The following MB21D2 variants were observed in gnomAD, a reference collection of about 807,000 sequenced individuals.
MB21D2 encodes nucleotidyltransferase MB21D2.
In MB21D2, 9 loss-of-function variants were observed where a neutral mutation model predicts 33.3. The observed-to-expected ratio is 0.27, with a 90% confidence interval of 0.16 to 0.47. The LOEUF is 0.47. Ranked by LOEUF, MB21D2 falls within the 20% of genes least tolerant of loss-of-function variation. MB21D2 has a pLI of 0.99. For synonymous variants in MB21D2, 241 were observed against 236.3 expected (o/e 1.02, Z -0.18); for missense variants, 540 against 624.6 (o/e 0.86, Z 1.44).
chr3:192,900,592 A>T (rs980622232), intron 1 of MB21D2, among the ~76,000 whole-genome samples: 5 of 151,938 alleles, frequency 3.3e-5, no homozygotes, highest in African/African-American at 9.7e-5. Context: ...ATCTCCTAAG[A>T]CTGTATAAGT....
At chr3:192,834,788 C>A (rs1455619845) in intron 1 of MB21D2, among the ~76,000 whole-genome samples, 1 of 149,340 alleles carries the variant, frequency 6.7e-6, no homozygotes, top group East Asian at 2.0e-4. Context: ...ACCACAGGTA[C>A]AGATGTTTGA....
At chr3:192,802,289 C>T (rs751020012) in intron 1 of MB21D2, among the ~76,000 whole-genome samples, 19 of 152,168 alleles carry the variant, frequency 1.2e-4, no homozygotes, top group Non-Finnish European at 2.5e-4. Flanking sequence ...TGCAGGGAAG[C>T]TCAGCTTCTC....
At chr3:192,906,261 C>T (rs1169339634) in intron 1 of MB21D2, among the ~76,000 whole-genome samples, 1 of 152,164 alleles carries the variant, frequency 6.6e-6, no homozygotes, top group East Asian at 1.9e-4. Flanking sequence ...ATTCCTCCTA[C>T]TCCACCCCCG....
intron 1 of MB21D2, among the ~76,000 whole-genome samples, chr3:192,886,439 C>T (rs1244958420): frequency 2.0e-5 from 3 of 152,078 alleles, no homozygotes; most frequent in Non-Finnish European, 2.9e-5. Flanking sequence ...ATTAATACCA[C>T]GAGTACTCAT....
chr3:192,858,981 G>C (rs927090695), intron 1 of MB21D2, among the ~76,000 whole-genome samples: 1 of 152,144 alleles, frequency 6.6e-6, no homozygotes, highest in Non-Finnish European at 1.5e-5. Context: ...AAGCTCTTAG[G>C]AATCAGTTAG....
chr3:192,858,497 T>C (rs984262581), intron 1 of MB21D2, among the ~76,000 whole-genome samples: 3 of 152,250 alleles, frequency 2.0e-5, no homozygotes, highest in Non-Finnish European at 4.4e-5. Flanking sequence ...GAACGGACCA[T>C]GCAAACGACA....
chr3:192,808,633 T>C (rs540661995), intron 1 of MB21D2, among the ~76,000 whole-genome samples: 4 of 152,338 alleles, frequency 2.6e-5, no homozygotes, highest in South Asian at 4.1e-4. Flanking sequence ...AGTCTCAGTA[T>C]AGATGTCTTC....
In MB21D2 at chr3:192,895,085, G is replaced by C. The variant is rs369658516; in HGVS notation, c.211+22545C>G. ...GAATCCGGTGGCCTGGGTTGGGGGG[G>C]AGGGGGCCAAGGGGGCCTGCTAGGG... On this transcript the variant is annotated intron_variant, in intron 1 of 1. Coordinates refer to ENST00000392452, the MANE Select transcript of MB21D2 (RefSeq NM_178496.4). 1.1e-4 allele frequency among the ~76,000 whole-genome samples: 16 copies of C among 150,672 alleles called. No individual in the cohort carries two copies. In the East Asian group the frequency reaches 3.2e-3, roughly 30 times the overall value.
At chr3:192,831,221 G>A (rs73060283) in intron 1 of MB21D2, among the ~76,000 whole-genome samples, 1,645 of 152,250 alleles carry the variant, frequency 0.011, 22 homozygotes, top group African/African-American at 0.036. Flanking sequence ...TTGTGGAGAC[G>A]CCCACATGGG....
rs185504397 is a variant in MB21D2 at position 192,905,670 on chromosome 3, A to G, written c.211+11960T>C. Among the ~76,000 whole-genome samples the G allele has an allele frequency of 5.7e-3, 857 of 149,380 alleles. 5 individuals are homozygous for G. Among genetic ancestry groups the G allele is most frequent in the African/African-American group, 0.02 (826 of 40,570 alleles). On this transcript the variant is annotated intron_variant, in intron 1 of 1. Coordinates refer to ENST00000392452, the MANE Select transcript of MB21D2 (RefSeq NM_178496.4). Reference sequence around the variant, plus strand: ...AAAAAAAAAAGAAAAAGAAAAGAAAAGAAAAGAAAAATTAGCCAGGCATGG... The same window carrying G: ...AAAAAAAAAAGAAAAAGAAAAGAAAGGAAAAGAAAAATTAGCCAGGCATGG...
At chr3:192,816,520 A>C (rs568299763) in intron 1 of MB21D2, among the ~76,000 whole-genome samples, 6 of 152,312 alleles carry the variant, frequency 3.9e-5, no homozygotes, top group African/African-American at 1.4e-4. Context: ...CCAAAAAGTA[A>C]GGCCTGAGGT....
intron 1 of MB21D2, among the ~76,000 whole-genome samples, chr3:192,914,684 T>C (rs1407192682): frequency 6.6e-6 from 1 of 152,090 alleles, no homozygotes; most frequent in Non-Finnish European, 1.5e-5. Flanking sequence ...GAAGTGAATC[T>C]AGACAATTGC....
chr3:192,916,066 G>A (rs370663670), intron 1 of MB21D2, among the ~76,000 whole-genome samples: 1 of 148,624 alleles, frequency 6.7e-6, no homozygotes, highest in Non-Finnish European at 1.5e-5. Flanking sequence ...AGCATTTTAG[G>A]CTTCCCTGTG....
intron 1 of MB21D2, among the ~76,000 whole-genome samples, chr3:192,894,181 T>C (rs891758146): frequency 1.3e-5 from 2 of 152,120 alleles, no homozygotes; most frequent in Non-Finnish European, 2.9e-5. Context: ...CAGGCTGTAG[T>C]GCAGTGGCGC....
At chr3:192,861,678 C>T (rs556593530) in intron 1 of MB21D2, among the ~76,000 whole-genome samples, 3 of 152,288 alleles carry the variant, frequency 2.0e-5, no homozygotes, top group Non-Finnish European at 4.4e-5. Context: ...GTGGCGCATG[C>T]CTGTAATCCC....
chr3:192,849,069 T>C (rs746094677), intron 1 of MB21D2, among the ~76,000 whole-genome samples: 21 of 152,170 alleles, frequency 1.4e-4, no homozygotes, highest in African/African-American at 4.6e-4. Context: ...TGTTATGAGA[T>C]TCTCAATGGG....
chr3:192,809,468 T>C (rs769233207), intron 1 of MB21D2, among the ~76,000 whole-genome samples: 3 of 152,166 alleles, frequency 2.0e-5, no homozygotes, highest in Non-Finnish European at 4.4e-5. Flanking sequence ...CCATGATAGC[T>C]GACCTGGGAT....
intron 1 of MB21D2, among the ~76,000 whole-genome samples, chr3:192,857,235 T>A (rs1233161573): frequency 6.6e-6 from 1 of 152,180 alleles, no homozygotes; most frequent in Non-Finnish European, 1.5e-5. Flanking sequence ...AGGCTCAAAT[T>A]GAACAGTCTC....
intron 1 of MB21D2, among the ~76,000 whole-genome samples, chr3:192,881,754 G>A (rs1051532890): frequency 7.2e-5 from 11 of 152,148 alleles, no homozygotes; most frequent in African/African-American, 2.7e-4. Context: ...GGCCCATCAG[G>A]TCAGATGGCT....
Sources: allele counts gnomAD v4.1 joint callset (sites outside exome capture counted in the v4.1 genomes callset), GRCh38; gene constraint gnomAD v4.1.1; transcripts MANE v1.5; gene names NCBI Gene and HGNC (gene_info 2026-07-23, HGNC 2026-07-21).